APBB2: variants seen among roughly 807,000 people sequenced by gnomAD.
APBB2 encodes the protein amyloid beta precursor protein binding family B member 2, also known as Fe65-like 1.
A neutral mutation model predicts 82.5 loss-of-function variants in APBB2; 38 were observed. That is an observed-to-expected ratio of 0.46 (90% CI 0.36 to 0.60). The LOEUF (loss-of-function observed/expected upper bound fraction) is 0.60. Ranked by LOEUF, APBB2 falls within the 20% of genes least tolerant of loss-of-function variation. APBB2 has a pLI of 0.00. For missense variants in APBB2, 772 were observed against 972.3 expected (o/e 0.79, Z 2.74); for synonymous variants, 341 against 368.2 (o/e 0.93, Z 0.85).
intron 5 of APBB2, among the ~76,000 whole-genome samples, chr4:41,017,728 C>A (rs1810407218): frequency 6.6e-6 from 1 of 152,124 alleles, no homozygotes; most frequent in African/African-American, 2.4e-5. Flanking sequence ...CCAGATTACC[C>A]CCCACTCTAA....
intron 3 of APBB2, among the ~76,000 whole-genome samples, chr4:41,082,856 G>A (rs1435533121): frequency 6.6e-6 from 1 of 152,024 alleles, no homozygotes; most frequent in Admixed American, 6.6e-5. Flanking sequence ...GATAGATTAT[G>A]GAACTATTAA....
At chr4:41,016,525 G>A (rs1209093921) in intron 5 of APBB2, among the ~76,000 whole-genome samples, 1 of 152,096 alleles carries the variant, frequency 6.6e-6, no homozygotes, top group Non-Finnish European at 1.5e-5. Flanking sequence ...GCCAGGCATG[G>A]TGGCGCATGC....
In APBB2 at chr4:41,065,604, T is replaced by C. The variant is rs1731442787; in HGVS notation, c.-79A>G. ...AGCTGCCTGGACAACAGTGAGCCCA[T>C]AGCGACAGTCAACACATTGGCAGAG... On this transcript the variant is annotated 5_prime_UTR_variant, in exon 4 of 18. It removes an upstream start codon present in the reference 5' UTR. Coordinates refer to ENST00000508593, the MANE Select transcript of APBB2 (RefSeq NM_004307.2). 1 of 151,420 alleles carries C rather than the reference T, an allele frequency of 6.6e-6. No homozygotes were observed. Among genetic ancestry groups the C allele is most frequent in the Admixed American group, 6.6e-5 (1 of 15,194 alleles). The allele number at this position is 151,420 out of a possible 1,614,324, so 9.4% of individuals were successfully genotyped here.
chr4:40,875,055 G>A (rs1334124718), intron 12 of APBB2, among the ~76,000 whole-genome samples: 1 of 152,226 alleles, frequency 6.6e-6, no homozygotes, highest in Non-Finnish European at 1.5e-5. Flanking sequence ...GTGCAGCTGG[G>A]TAAGTGCCTG....
chr4:41,198,836 T>C (rs1368774123), intron 1 of APBB2, among the ~76,000 whole-genome samples: 1 of 152,210 alleles, frequency 6.6e-6, no homozygotes, highest in Non-Finnish European at 1.5e-5. Flanking sequence ...CATCCCTTGG[T>C]TTGTGGCAGC....
Position 40,944,907 on chromosome 4 carries a change from C to A in APBB2, c.1002G>T (p.Gly334=). Residue 334 remains glycine, a synonymous_variant, in exon 7 of 18, where the codon GGG becomes GGT. Transcript: ENST00000508593. ...IPADLQGSRK[G]SLSSVTPSPT... Reference sequence around the variant, plus strand: ...GAGATGGCGTTACAGAACTAAGTGACCCTTTCCTAGAACCCTGGAGATCTG... The same window carrying A: ...GAGATGGCGTTACAGAACTAAGTGAACCTTTCCTAGAACCCTGGAGATCTG... 6.2e-7 allele frequency: 1 copy of A among 1,613,508 alleles called. No individual in the cohort carries two copies. The highest frequency in any genetic ancestry group is 8.5e-7 in the Non-Finnish European group (1 of 1,180,000).
At chr4:41,087,003 G>A (rs1376713232) in intron 3 of APBB2, among the ~76,000 whole-genome samples, 2 of 152,040 alleles carry the variant, frequency 1.3e-5, no homozygotes, top group Non-Finnish European at 2.9e-5. Context: ...GGCTGGGCAT[G>A]GTGGCATGTA....
At chr4:41,134,146 T>C (rs1449873258) in intron 2 of APBB2, among the ~76,000 whole-genome samples, 2 of 152,108 alleles carry the variant, frequency 1.3e-5, no homozygotes, top group African/African-American at 4.8e-5. Context: ...AATTTTTTTT[T>C]AAGTTAATTA....
chr4:41,023,754 T>C (rs1712738305), intron 5 of APBB2, among the ~76,000 whole-genome samples: 1 of 152,320 alleles, frequency 6.6e-6, no homozygotes, highest in East Asian at 1.9e-4. Flanking sequence ...ATGGCTACAC[T>C]GCCCAAAGCA....
chr4:40,837,982 A>C (rs1560656842), intron 12 of APBB2, among the ~76,000 whole-genome samples: 3 of 152,212 alleles, frequency 2.0e-5, no homozygotes, highest in East Asian at 3.9e-4. Context: ...CAGTGTTAAT[A>C]CATCTTATCT....
chr4:41,017,633 T>C (rs923722566), intron 5 of APBB2, among the ~76,000 whole-genome samples: 11 of 148,862 alleles, frequency 7.4e-5, no homozygotes, highest in African/African-American at 2.9e-4. Context: ...ACTCACCACT[T>C]TGTACGAGTT....
intron 16 of APBB2, among the ~76,000 whole-genome samples, chr4:40,822,891 G>A (rs140779691): frequency 4.8e-4 from 73 of 152,302 alleles, no homozygotes; most frequent in African/African-American, 1.7e-3. Context: ...GGAGGGTGCA[G>A]TGCTTGCGAT....
At chr4:41,166,035 G>A (rs1264863664) in intron 1 of APBB2, among the ~76,000 whole-genome samples, 7 of 151,584 alleles carry the variant, frequency 4.6e-5, no homozygotes, top group East Asian at 3.9e-4. Context: ...CACCACGCCC[G>A]GCTAATTTTT....
At chr4:40,984,730 CTTAT>C (rs1014404388) in intron 6 of APBB2, among the ~76,000 whole-genome samples, 9 of 152,046 alleles carry the variant, frequency 5.9e-5, no homozygotes, top group East Asian at 1.9e-4. Flanking sequence ...ATTGCTTATT[CTTAT>C]TTATTTATTT....
intron 6 of APBB2, among the ~76,000 whole-genome samples, chr4:41,002,709 A>G (rs981034165): frequency 3.3e-5 from 5 of 152,238 alleles, no homozygotes; most frequent in Non-Finnish European, 5.9e-5. Context: ...TATGTAAAAT[A>G]TCTCAATTTC....
At chr4:41,181,376 C>T (rs1429948935) in intron 1 of APBB2, among the ~76,000 whole-genome samples, 2 of 152,182 alleles carry the variant, frequency 1.3e-5, no homozygotes, top group Admixed American at 6.5e-5. Context: ...TTATACTTTG[C>T]TTATAACTCT....
intron 2 of APBB2, among the ~76,000 whole-genome samples, chr4:41,101,548 T>C (rs1745452265): frequency 7.0e-6 from 1 of 143,310 alleles, no homozygotes; most frequent in Non-Finnish European, 1.5e-5. Flanking sequence ...AACTTTTAAA[T>C]ACTCTTCAAA....
chr4:41,116,409 C>T (rs973436396), intron 2 of APBB2, among the ~76,000 whole-genome samples: 40 of 152,224 alleles, frequency 2.6e-4, no homozygotes, highest in Admixed American at 7.2e-4. Flanking sequence ...CAAGTGTATA[C>T]CTATGTGGCA....
intron 12 of APBB2, 76 bp from the exon 13 acceptor site, chr4:40,830,653 T>C: frequency 1.2e-6 from 1 of 862,518 alleles, no homozygotes; most frequent in Non-Finnish European, 2.0e-6. Flanking sequence ...TGAAGTTAAC[T>C]GAGCTAGCAG....
Sources: allele counts gnomAD v4.1 joint callset (sites outside exome capture counted in the v4.1 genomes callset), GRCh38; gene constraint gnomAD v4.1.1; transcripts MANE v1.5; gene names NCBI Gene and HGNC (gene_info 2026-07-23, HGNC 2026-07-21).